The following SLC6A2 variants were observed in gnomAD, a reference collection of about 807,000 sequenced individuals.
SLC6A2 encodes sodium-dependent noradrenaline transporter.
SLC6A2 carries 26 observed loss-of-function variants against 71.7 expected under a neutral mutation model. That is an observed-to-expected ratio of 0.36 (90% CI 0.27 to 0.50). The LOEUF is 0.50. Among genes scored for constraint, SLC6A2 ranks in the 20% least tolerant of loss-of-function variants. The probability of loss-of-function intolerance (pLI) is 0.96; values close to 1 mark genes in which losing one functional copy is unlikely to be tolerated. For synonymous variants in SLC6A2, 363 were observed against 337.9 expected (o/e 1.07, Z -0.82); for missense variants, 581 against 803.9 (o/e 0.72, Z 3.35).
chr16:55,698,351 T>C (rs1425768263), intron 10 of SLC6A2, 118 bp from the exon 11 acceptor site: 1 of 788,528 alleles, frequency 1.3e-6, no homozygotes, highest in Admixed American at 2.0e-5. Flanking sequence ...ATGCCCTGGG[T>C]TTTCAAATAG....
intron 2 of SLC6A2, among the ~76,000 whole-genome samples, chr16:55,660,098 T>C (rs1174073787): frequency 6.6e-6 from 1 of 151,932 alleles, no homozygotes; most frequent in African/African-American, 2.4e-5. Flanking sequence ...TGGGAGGAGG[T>C]GGGCTGTGGT....
intron 12 of SLC6A2, 60 bp downstream of exon 12, chr16:55,699,714 C>T: frequency 1.6e-6 from 2 of 1,244,666 alleles, no homozygotes; most frequent in Admixed American, 1.7e-5. Context: ...CAGGATGGAG[C>T]TGGGTGAGGA....
chr16:55,681,071 G>A (rs555673783), intron 4 of SLC6A2, among the ~76,000 whole-genome samples: 2 of 152,224 alleles, frequency 1.3e-5, no homozygotes, highest in South Asian at 4.2e-4. Flanking sequence ...CTTCACAGCG[G>A]AGTCTCCCCA....
intron 9 of SLC6A2, 95 bp downstream of exon 9, chr16:55,696,432 A>G (rs1965801590): frequency 1.3e-6 from 1 of 798,504 alleles, no homozygotes; most frequent in Non-Finnish European, 2.3e-6. Flanking sequence ...CCCACTATTC[A>G]AACACCAGGT....
intron 2 of SLC6A2, among the ~76,000 whole-genome samples, chr16:55,663,957 A>G (rs2142494491): frequency 6.6e-6 from 1 of 152,280 alleles, no homozygotes; most frequent in South Asian, 2.1e-4. Context: ...GAGACCGAGA[A>G]GAATCTGAAC....
At chr16:55,700,462 G>A (rs1157947698) in intron 13 of SLC6A2, among the ~76,000 whole-genome samples, 156 bp downstream of exon 13, 2 of 152,108 alleles carry the variant, frequency 1.3e-5, no homozygotes, top group South Asian at 2.1e-4. Context: ...TTTCCCCCAT[G>A]AGCCTCAGTT....
intron 4 of SLC6A2, among the ~76,000 whole-genome samples, chr16:55,680,317 C>T (rs184068153): frequency 6.6e-6 from 1 of 152,274 alleles, no homozygotes; most frequent in East Asian, 1.9e-4. Context: ...GAGGGACAGA[C>T]TAATGATATA....
intron 13 of SLC6A2, 140 bp from the exon 14 acceptor site, chr16:55,701,723 G>T: frequency 5.4e-6 from 4 of 736,924 alleles, no homozygotes; most frequent in Non-Finnish European, 1.0e-5. Flanking sequence ...AGCTGGAGGT[G>T]TCTTGTACAG....
At chr16:55,692,861 G>T (rs566112450) in intron 6 of SLC6A2, among the ~76,000 whole-genome samples, 4 of 152,264 alleles carry the variant, frequency 2.6e-5, no homozygotes, top group African/African-American at 9.6e-5. Flanking sequence ...GTTATAGACC[G>T]GTAACCAAGA....
rs140840778 is a variant in SLC6A2, at chr16:55,701,071, C to T, written c.1758+765C>T. 5.2e-3 allele frequency among the ~76,000 whole-genome samples: 791 copies of T among 152,216 alleles called. 24 individuals are homozygous for T. The South Asian group carries it at 0.097, about 19-fold the overall frequency. ...CTCACTTGGAAGGTATTTATTGGGA[C>T]GCAGATATATGCTGGGTAGTATTCG... On this transcript the variant is annotated intron_variant, in intron 13 of 14. Coordinates refer to ENST00000568943, the MANE Select transcript of SLC6A2 (RefSeq NM_001172501.3).
chr16:55,661,262 C>G (rs1207610231), intron 2 of SLC6A2, among the ~76,000 whole-genome samples: 1 of 152,182 alleles, frequency 6.6e-6, no homozygotes, highest in East Asian at 1.9e-4. Flanking sequence ...GAGTCCTGTC[C>G]TGAGGCCAGC....
In SLC6A2 at chr16:55,656,873, G is replaced by A. The variant is rs1463073539; in HGVS notation, c.179G>A (p.Gly60Asp). The A allele has an allele frequency of 1.2e-6, 2 of 1,613,992 alleles. No individual in the cohort carries two copies. Among genetic ancestry groups the A allele is most frequent in the Non-Finnish European group, 1.7e-6 (2 of 1,179,938 alleles). The change falls in exon 2 of 15, where the codon GGC becomes GAC. Residue 60 changes from glycine to aspartate, a missense_variant. Physicochemically the swap from Gly to Asp is moderately conservative, Grantham distance 94. This residue lies in a region of SLC6A2 where 81 missense variants were observed against 152.4 expected (regional missense o/e 0.53). Transcript: ENST00000568943. This position sits in a 1 kb window ranked among gnomAD's most constrained non-coding sequence, Gnocchi z 4.5. ...DGDAQPRETW[G>D]KKIDFLLSVV... ...GACGCGCAGCCCCGGGAGACCTGGG[G>A]CAAGAAGATCGACTTCCTGCTGTCC... is the stretch of plus-strand genomic sequence containing the variant.
intron 5 of SLC6A2, among the ~76,000 whole-genome samples, chr16:55,689,920 C>T (rs1187580925): frequency 1.3e-5 from 2 of 152,182 alleles, no homozygotes; most frequent in African/African-American, 4.8e-5. Flanking sequence ...CTTCTGAGCC[C>T]AGAAGATGTG....
In SLC6A2 at chr16:55,700,321, T is replaced by A. The variant is rs750001394; in HGVS notation, c.1758+15T>A. On this transcript the variant is annotated intron_variant, in intron 13 of 14. Transcript: ENST00000568943. The stretch of plus-strand genomic sequence containing the variant: ...CTCTTTGGGAGGTGAGCTCTGGTCC[T>A]CCCCAGGGGAACAGGGTGGGAGGGG... 6.2e-6 allele frequency: 9 copies of A among 1,450,592 alleles called. No individual in the cohort carries two copies. The highest frequency in any genetic ancestry group is 8.5e-6 in the Non-Finnish European group (9 of 1,058,742). 89.9% of individuals were successfully genotyped at this position (1,450,592 alleles called of 1,614,324 possible).
rs902769021 is a variant in SLC6A2, at chr16:55,669,813, G to A, written c.406+117G>A. On this transcript the variant is annotated intron_variant, in intron 3 of 14. Transcript: ENST00000568943. ...ACCTCCTGTCATGTGGGATTCACAG[G>A]TATTGACAAGGTCAACAGTGTCCCC... is the stretch of plus-strand genomic sequence containing the variant. The A allele has an allele frequency of 5.2e-6, 6 of 1,145,720 alleles. No homozygotes were observed. The African/African-American group carries it at 9.1e-5, about 17-fold the overall frequency. The allele number at this position is 1,145,720 out of a possible 1,614,324, so 71.0% of individuals were successfully genotyped here. A position where few individuals can be genotyped will look rare whatever the true frequency, so the allele number is the denominator to read the frequency against.
At chr16:55,697,570 G>A (rs773469767) in intron 9 of SLC6A2, among the ~76,000 whole-genome samples, 4 of 152,174 alleles carry the variant, frequency 2.6e-5, no homozygotes, top group Non-Finnish European at 5.9e-5. Context: ...GGGTTTTGGT[G>A]TTTTACTGCT....
At chr16:55,699,210 A>G (rs1264726417) in intron 11 of SLC6A2, among the ~76,000 whole-genome samples, 10 of 152,146 alleles carry the variant, frequency 6.6e-5, no homozygotes, top group African/African-American at 2.4e-4. Flanking sequence ...CTGTATGCAT[A>G]GTTGTTGTTA....
intron 2 of SLC6A2, among the ~76,000 whole-genome samples, chr16:55,658,537 G>A (rs958847847): frequency 1.3e-5 from 2 of 152,122 alleles, no homozygotes; most frequent in African/African-American, 2.4e-5. Context: ...AAAGGAGTGG[G>A]ATCACCATAG....
At chr16:55,680,481 G>A (rs993567033) in intron 4 of SLC6A2, among the ~76,000 whole-genome samples, 9 of 152,326 alleles carry the variant, frequency 5.9e-5, no homozygotes, top group African/African-American at 1.9e-4. Flanking sequence ...CAAGCATCCA[G>A]CATGGGAGTA....
Sources: allele counts gnomAD v4.1 joint callset (sites outside exome capture counted in the v4.1 genomes callset), GRCh38; gene constraint gnomAD v4.1.1; regional missense constraint gnomAD v4.1.1; non-coding constraint Gnocchi (gnomAD v3.1); transcripts MANE v1.5; gene names NCBI Gene and HGNC (gene_info 2026-07-23, HGNC 2026-07-21).